The following SRRM1 variants were observed in gnomAD, a reference collection of about 807,000 sequenced individuals.
SRRM1 encodes the protein serine and arginine repetitive matrix 1, also known as serine/arginine repetitive matrix protein 1.
SRRM1 carries 19 observed loss-of-function variants against 110.2 expected under a neutral mutation model. That is an observed-to-expected ratio of 0.17 (90% confidence interval 0.12 to 0.25). SRRM1 has a LOEUF of 0.25. Among genes scored for constraint, SRRM1 ranks in the 10% least tolerant of loss-of-function variants. SRRM1 has a pLI of 1.00. For synonymous variants in SRRM1, 443 were observed against 414.9 expected (o/e 1.07, Z -0.82); for missense variants, 918 against 1,145.8 (o/e 0.80, Z 2.87).
At chr1:24,649,147 T>A in intron 4 of SRRM1, 118 bp downstream of exon 4, 1 of 862,674 alleles carries the variant, frequency 1.2e-6, no homozygotes, top group East Asian at 2.6e-5. Context: ...TGCTGTACTG[T>A]ATTTAAACAT....
In SRRM1 at chr1:24,670,220, T is replaced by C. The variant is rs1571142358; in HGVS notation, c.2305T>C (p.Ser769Pro). ...PAAKKPPAPP[S>P]PVQSQSPSTN... The stretch of plus-strand genomic sequence containing the variant: ...AGCTAAAAAGCCCCCAGCACCTCCA[T>C]CCCCCGTCCAGTCTCAGTCACCGTC... The change falls in exon 15 of 17, where the codon TCC (serine) becomes CCC (proline). Residue 769 changes from serine (S) to proline (P), a missense_variant. By Grantham distance (74) the Ser-to-Pro change is moderately conservative (BLOSUM62 -1). Around this residue, in one of 5 missense-constraint regions of SRRM1, gnomAD observed 357 missense variants for 402.9 expected, o/e 0.89. Transcript: ENST00000323848. 6.2e-7 allele frequency: 1 copy of C among 1,613,614 alleles called. No homozygotes were observed. The highest frequency in any genetic ancestry group is 1.3e-5 in the African/African-American group (1 of 74,754).
At position 24,661,334 on chromosome 1, in the gene SRRM1, C is replaced by T; in HGVS notation, c.1421C>T (p.Ala474Val). 2 of 1,613,234 alleles carry T rather than the reference C, an allele frequency of 1.2e-6. No individual in the cohort carries two copies. Among genetic ancestry groups the T allele is most frequent in the East Asian group, 2.2e-5 (1 of 44,862 alleles). ...GAAGAAGATAAAGGTGGCAAAATGG[C>T]TGCAGCAGATTCTGTGCAGCAGAGA... is the stretch of plus-strand genomic sequence containing the variant. ...ESEEDKGGKM[A>V]AADSVQQRRQ... Residue 474 changes from alanine (A) to valine (V), a missense_variant, in exon 11 of 17, where the codon GCT (alanine) becomes GTT (valine). By Grantham distance (64) the Ala-to-Val change is moderately conservative. Around this residue, in one of 5 missense-constraint regions of SRRM1, gnomAD observed 456 missense variants for 453.5 expected, o/e 1.01. Coordinates refer to ENST00000323848, the MANE Select transcript of SRRM1 (RefSeq NM_005839.4).
intron 3 of SRRM1, chr1:24,648,658 G>C (rs1008125993): frequency 2.1e-6 from 1 of 484,270 alleles, no homozygotes; most frequent in East Asian, 3.3e-5. Context: ...GAGTGAGAGA[G>C]AATTTGGTAA....
intron 8 of SRRM1, 148 bp from the exon 9 acceptor site, chr1:24,654,707 C>T: frequency 1.1e-6 from 1 of 905,126 alleles, no homozygotes; most frequent in Middle Eastern, 2.3e-4. Flanking sequence ...TGGTTTTTTC[C>T]CCCATTCTTT....
At chr1:24,657,992 T>C (rs537225821) in intron 9 of SRRM1, among the ~76,000 whole-genome samples, 1 of 152,296 alleles carries the variant, frequency 6.6e-6, no homozygotes, top group East Asian at 1.9e-4. Flanking sequence ...AAATTTAAAA[T>C]TGTGGTTTTA....
intron 12 of SRRM1, chr1:24,663,162 G>A (rs1187904731): frequency 1.1e-5 from 17 of 1,505,160 alleles, no homozygotes; most frequent in Middle Eastern, 1.7e-4. Flanking sequence ...CTTGACATTT[G>A]TTTTTCTCCA....
At position 24,648,840 on chromosome 1, in the gene SRRM1, C is replaced by G. The variant is rs1343187669; in HGVS notation, c.235-19C>G. Reference sequence around the variant, plus strand: ...GTTTTGAAGTAACCTGTTTTTCTTCCTGTCGTGTCTTTTTGCAGAATCCAG... The same window carrying G: ...GTTTTGAAGTAACCTGTTTTTCTTCGTGTCGTGTCTTTTTGCAGAATCCAG... On this transcript the variant is annotated intron_variant, in intron 3 of 16. Transcript: ENST00000323848. 6.2e-7 allele frequency: 1 copy of G among 1,602,854 alleles called. No individual in the cohort carries two copies. The highest frequency in any genetic ancestry group is 1.4e-5 in the African/African-American group (1 of 73,998).
chr1:24,654,276 C>A (rs947209610), intron 8 of SRRM1: 10 of 1,288,730 alleles, frequency 7.8e-6, no homozygotes, highest in Non-Finnish European at 1.0e-5. Flanking sequence ...GTTTTTATCT[C>A]ACACTTAAGG....
intron 1 of SRRM1, 92 bp downstream of exon 1, chr1:24,643,439 G>A (rs1302437064): frequency 8.7e-7 from 1 of 1,154,690 alleles, no homozygotes; most frequent in Non-Finnish European, 1.2e-6. Context: ...TGGCCAGCGA[G>A]GGGAGCTTCG....
At chr1:24,659,505 A>G (rs970256562) in intron 9 of SRRM1, among the ~76,000 whole-genome samples, 1 of 152,220 alleles carries the variant, frequency 6.6e-6, no homozygotes, top group African/African-American at 2.4e-5. Context: ...GTGGTGTTTT[A>G]GGTTAATTTA....
chr1:24,644,252 C>T (rs1655899666), intron 1 of SRRM1, among the ~76,000 whole-genome samples: 1 of 152,100 alleles, frequency 6.6e-6, no homozygotes, highest in African/African-American at 2.4e-5. Flanking sequence ...CCTGTGTGTC[C>T]CATAGTCCCC....
intron 10 of SRRM1, 51 bp downstream of exon 10, chr1:24,660,850 C>A: frequency 7.4e-7 from 1 of 1,347,816 alleles, no homozygotes; most frequent in South Asian, 1.3e-5. Context: ...TTTTGTTTTT[C>A]TTAAAGCTGA....
At chr1:24,649,846 G>A in intron 4 of SRRM1, 125 bp from the exon 5 acceptor site, 1 of 759,458 alleles carries the variant, frequency 1.3e-6, no homozygotes, top group East Asian at 3.0e-5. Context: ...GAAAGAACAG[G>A]TCTGGTTCAA....
At chr1:24,652,325 CTG>C (rs1661443265) in intron 6 of SRRM1, 107 bp from the exon 7 acceptor site, 1 of 742,306 alleles carries the variant, frequency 1.3e-6, no homozygotes, top group Non-Finnish European at 2.1e-6. Flanking sequence ...AGAGACAAGT[CTG>C]TGAATTTTGA....
chr1:24,646,642 C>T, intron 2 of SRRM1, 25 bp from the exon 3 acceptor site: 4 of 1,546,808 alleles, frequency 2.6e-6, no homozygotes, highest in Non-Finnish European at 3.5e-6. Flanking sequence ...TGAAGTTGTA[C>T]TTAATTGTTT....
intron 12 of SRRM1, among the ~76,000 whole-genome samples, chr1:24,665,256 A>G (rs564472323): frequency 6.6e-6 from 1 of 152,064 alleles, no homozygotes; most frequent in Admixed American, 6.6e-5. Context: ...ACGGAACCCC[A>G]TCTCTACTAA....
intron 12 of SRRM1, among the ~76,000 whole-genome samples, chr1:24,663,615 AAAAACTAGGGAGAAACTTTAGAAATATT>A (rs1234241020): frequency 1.4e-4 from 21 of 152,222 alleles, no homozygotes; most frequent in African/African-American, 5.1e-4. Flanking sequence ...GAGGGCAAGG[AAAAACTAGGGAGAAACTTTAGAAATATT>A]AAAAGTGAGA....
At chr1:24,654,354 TTGC>T in intron 8 of SRRM1, 1 of 1,289,804 alleles carries the variant, frequency 7.8e-7, no homozygotes, top group Non-Finnish European at 1.0e-6. Flanking sequence ...GTACACATAA[TTGC>T]AACAGAACTT....
At position 24,663,695 on chromosome 1, in the gene SRRM1, G is replaced by C. The variant is rs543022761; in HGVS notation, c.1628+891G>C. The stretch of plus-strand genomic sequence containing the variant: ...AGATCAAGACCATCCTGGCCAACAT[G>C]GTGAAACCCCATTTCTACTAAAAAT... On this transcript the variant is annotated intron_variant, in intron 12 of 16. Transcript: ENST00000323848. Among the ~76,000 whole-genome samples, 6 of 151,870 alleles carry C rather than the reference G, an allele frequency of 4.0e-5. No homozygotes were observed. In the South Asian group the frequency reaches 1.3e-3, roughly 32 times the overall value.
Sources: gnomAD v4.1 joint callset for allele counts (sites outside exome capture counted in the v4.1 genomes callset) on GRCh38, gnomAD v4.1.1 for gene constraint, gnomAD v4.1.1 regional missense constraint, MANE v1.5 for transcripts, NCBI Gene and HGNC (gene_info 2026-07-23, HGNC 2026-07-21) for gene names.